RAP1GDS1: variants seen among roughly 807,000 people sequenced by gnomAD.
RAP1GDS1 encodes Rap1 GTPase-GDP dissociation stimulator 1.
RAP1GDS1 carries 35 observed loss-of-function variants against 71.1 expected under a neutral mutation model. That is an observed-to-expected ratio of 0.49 (90% CI 0.38 to 0.65). The LOEUF (loss-of-function observed/expected upper bound fraction) is 0.65. Ranked by LOEUF, RAP1GDS1 falls within the 30% of genes least tolerant of loss-of-function variation. The pLI is 0.00. For missense variants in RAP1GDS1, 663 were observed against 706.1 expected (o/e 0.94, Z 0.69); for synonymous variants, 229 against 243.1 (o/e 0.94, Z 0.54).
At chr4:98,375,246 T>A (rs993540123) in intron 4 of RAP1GDS1, among the ~76,000 whole-genome samples, 2 of 152,164 alleles carry the variant, frequency 1.3e-5, no homozygotes, top group African/African-American at 4.8e-5. Context: ...TCCCTGCCTC[T>A]GTCTTCACAT....
intron 2 of RAP1GDS1, among the ~76,000 whole-genome samples, chr4:98,294,749 C>G (rs924478863): frequency 6.6e-6 from 1 of 152,028 alleles, no homozygotes; most frequent in Admixed American, 6.6e-5. Context: ...ATAAAATATT[C>G]CCATGATCAC....
At chr4:98,306,534 A>T (rs374685735) in intron 2 of RAP1GDS1, among the ~76,000 whole-genome samples, 1 of 152,224 alleles carries the variant, frequency 6.6e-6, no homozygotes, top group African/African-American at 2.4e-5. Context: ...TTTAAACCAC[A>T]GCACCCACTA....
At chr4:98,352,147 C>T (rs1156929951) in intron 3 of RAP1GDS1, among the ~76,000 whole-genome samples, 2 of 151,918 alleles carry the variant, frequency 1.3e-5, no homozygotes, top group East Asian at 3.9e-4. Context: ...CATCATCACA[C>T]ATATTGCTTC....
Position 98,393,741 on chromosome 4 carries a change from G to A in RAP1GDS1, c.637+1661G>A, listed in dbSNP as rs191699420. Among the ~76,000 whole-genome samples the A allele has an allele frequency of 2.0e-4, 30 of 152,176 alleles. No homozygotes were observed. The East Asian group carries it at 5.8e-3, about 29-fold the overall frequency. Reference sequence around the variant, plus strand: ...AAATATGAAGTCTCAATTGAGATGTGTTCAGTATAAAATACACAATCGATT... The same window carrying A: ...AAATATGAAGTCTCAATTGAGATGTATTCAGTATAAAATACACAATCGATT... On this transcript the variant is annotated intron_variant, in intron 6 of 14. Transcript: ENST00000408927.
chr4:98,285,254 A>G (rs1221033989), intron 1 of RAP1GDS1, among the ~76,000 whole-genome samples: 2 of 152,186 alleles, frequency 1.3e-5, no homozygotes, highest in African/African-American at 4.8e-5. Flanking sequence ...AAGATAGCCT[A>G]AAAAGACATT....
intron 4 of RAP1GDS1, among the ~76,000 whole-genome samples, chr4:98,372,122 T>C (rs1740473315): frequency 6.6e-6 from 1 of 152,122 alleles, no homozygotes; most frequent in Non-Finnish European, 1.5e-5. Context: ...CGCCTTTTTT[T>C]GGATTCTTCA....
At chr4:98,269,131 G>A (rs570968405) in intron 1 of RAP1GDS1, among the ~76,000 whole-genome samples, 1 of 121,742 alleles carries the variant, frequency 8.2e-6, no homozygotes, top group South Asian at 2.6e-4. Context: ...ACAGAATAGA[G>A]AGGCCAGAAA....
intron 4 of RAP1GDS1, among the ~76,000 whole-genome samples, chr4:98,356,590 A>G (rs1485607640): frequency 6.6e-6 from 1 of 152,120 alleles, no homozygotes; most frequent in Non-Finnish European, 1.5e-5. Context: ...GTGCCTTTTT[A>G]TACACCGAGG....
At chr4:98,339,523 CT>C (rs534543350) in intron 2 of RAP1GDS1, among the ~76,000 whole-genome samples, 6 of 147,888 alleles carry the variant, frequency 4.1e-5, no homozygotes, top group Non-Finnish European at 4.5e-5. Flanking sequence ...AAGAGTCTAC[CT>C]TTTTTTTTTA....
At chr4:98,289,086 T>C (rs1479682859) in intron 1 of RAP1GDS1, among the ~76,000 whole-genome samples, 3 of 152,166 alleles carry the variant, frequency 2.0e-5, no homozygotes, top group African/African-American at 7.2e-5. Flanking sequence ...TATGTGATAA[T>C]TATACAAGGT....
chr4:98,345,560 C>A (rs1354462804), intron 3 of RAP1GDS1, among the ~76,000 whole-genome samples: 1 of 145,098 alleles, frequency 6.9e-6, no homozygotes, highest in Non-Finnish European at 1.5e-5. Flanking sequence ...AGGCAAAGGA[C>A]AAATAAGATA....
chr4:98,332,122 G>T (rs914183576), intron 2 of RAP1GDS1, among the ~76,000 whole-genome samples: 5 of 152,140 alleles, frequency 3.3e-5, no homozygotes, highest in African/African-American at 1.2e-4. Flanking sequence ...TCTTCTTATG[G>T]TAAACCCATT....
intron 12 of RAP1GDS1, among the ~76,000 whole-genome samples, chr4:98,431,282 C>G (rs3775537): frequency 0.068 from 10,404 of 152,208 alleles, 401 homozygotes; most frequent in Admixed American, 0.13. Flanking sequence ...TTAAGTGGCT[C>G]ACCAACTCAA....
intron 4 of RAP1GDS1, among the ~76,000 whole-genome samples, chr4:98,363,474 G>C (rs1739039388): frequency 1.3e-5 from 1 of 78,370 alleles, no homozygotes; most frequent in Non-Finnish European, 2.1e-5. Flanking sequence ...GTGAGACCCT[G>C]TCTCAAAAAA....
At chr4:98,433,527 G>A (rs934469825) in intron 12 of RAP1GDS1, among the ~76,000 whole-genome samples, 35 of 152,208 alleles carry the variant, frequency 2.3e-4, no homozygotes, top group Non-Finnish European at 1.2e-4. Flanking sequence ...CGATCCTCCT[G>A]TTTTGGCCTG....
chr4:98,411,003 T>G (rs553564434), intron 7 of RAP1GDS1, among the ~76,000 whole-genome samples: 1 of 152,212 alleles, frequency 6.6e-6, no homozygotes, highest in South Asian at 2.1e-4. Flanking sequence ...TTTCTAATAA[T>G]ATATTAAACT....
intron 1 of RAP1GDS1, among the ~76,000 whole-genome samples, chr4:98,283,931 A>G (rs757655962): frequency 1.3e-5 from 2 of 151,392 alleles, no homozygotes; most frequent in South Asian, 2.1e-4. Flanking sequence ...GCTTACATCT[A>G]TATAAAGGAA....
chr4:98,301,600 G>T (rs575848559), intron 2 of RAP1GDS1, among the ~76,000 whole-genome samples: 1 of 152,288 alleles, frequency 6.6e-6, no homozygotes, highest in African/African-American at 2.4e-5. Context: ...ACTGCAGGGA[G>T]AGTTAAGACT....
chr4:98,381,163 A>G lies in RAP1GDS1; in HGVS notation c.508+2000A>G, dbSNP rs1261096829. Among the ~76,000 whole-genome samples, 6 of 151,736 alleles carry G rather than the reference A, an allele frequency of 4.0e-5. No individual in the cohort carries two copies. The South Asian group carries it at 8.3e-4, about 21-fold the overall frequency. On this transcript the variant is annotated intron_variant, in intron 5 of 14. Transcript: ENST00000408927. ...AATAACTTAGAGACTTTAGAAAGCTATATTAACTTTTCTCTGAATATTATT... is the reference window on the plus strand; with the variant it reads ...AATAACTTAGAGACTTTAGAAAGCTGTATTAACTTTTCTCTGAATATTATT...
Sources: allele counts gnomAD v4.1 joint callset (sites outside exome capture counted in the v4.1 genomes callset), GRCh38; gene constraint gnomAD v4.1.1; transcripts MANE v1.5; gene names NCBI Gene and HGNC (gene_info 2026-07-23, HGNC 2026-07-21).